The following EFL1 variants were observed in gnomAD, a reference collection of about 807,000 sequenced individuals.
EFL1 encodes the protein elongation factor like GTPase 1.
EFL1 carries 76 observed loss-of-function variants against 126.7 expected under a neutral mutation model. The ratio of observed to expected loss-of-function variants is 0.60; its 90% confidence interval spans 0.50 to 0.73. The LOEUF (loss-of-function observed/expected upper bound fraction) is 0.73. Ranked by LOEUF, EFL1 falls within the 30% of genes least tolerant of loss-of-function variation. The pLI, the probability that EFL1 is intolerant of heterozygous loss-of-function variation, is 0.00. For missense variants in EFL1, 1,128 were observed against 1,343.2 expected (o/e 0.84, Z 2.50); for synonymous variants, 410 against 448.4 (o/e 0.91, Z 1.08).
chr15:82,179,099 G>A (rs770623434), intron 15 of EFL1, among the ~76,000 whole-genome samples: 10 of 152,082 alleles, frequency 6.6e-5, no homozygotes, highest in Admixed American at 1.3e-4. Flanking sequence ...AACTATGATC[G>A]TGCCACCGCA....
At chr15:82,245,900 T>G (rs930588733) in intron 4 of EFL1, among the ~76,000 whole-genome samples, 1 of 149,480 alleles carries the variant, frequency 6.7e-6, no homozygotes, top group African/African-American at 2.5e-5. Flanking sequence ...ACCACTGCAC[T>G]CCAGCCTGGG....
At chr15:82,254,354 TTG>T (rs2075049040) in intron 3 of EFL1, among the ~76,000 whole-genome samples, 1 of 152,186 alleles carries the variant, frequency 6.6e-6, no homozygotes, top group African/African-American at 2.4e-5. Flanking sequence ...TCTCAGTCCC[TTG>T]TCAGTTTTCT....
intron 15 of EFL1, among the ~76,000 whole-genome samples, chr15:82,208,287 A>T (rs1207024224): frequency 6.6e-6 from 1 of 152,202 alleles, no homozygotes; most frequent in South Asian, 2.1e-4. Context: ...TTTGAAGAAA[A>T]GGTAATTCTT....
At chr15:82,193,914 A>T (rs1299558849) in intron 15 of EFL1, among the ~76,000 whole-genome samples, 1 of 152,162 alleles carries the variant, frequency 6.6e-6, no homozygotes, top group Admixed American at 6.5e-5. Context: ...CACTCTCCTC[A>T]TTCTGGAAAA....
chr15:82,252,883 T>A lies in EFL1; in HGVS notation c.160-108A>T, dbSNP rs2075035763. The A allele has an allele frequency of 5.2e-6, 4 of 763,376 alleles. No homozygotes were observed. In the Admixed American group the frequency reaches 7.8e-5, roughly 15 times the overall value. The allele number at this position is 763,376 out of a possible 1,614,324, so 47.3% of individuals were successfully genotyped here. Reference sequence around the variant, plus strand: ...TAAATACTTATATTTAATTTGTTATTTTTATTTATTTTTGTAGAGACAGGG... The same window carrying A: ...TAAATACTTATATTTAATTTGTTATATTTATTTATTTTTGTAGAGACAGGG... On this transcript the variant is annotated intron_variant, in intron 3 of 19. Transcript: ENST00000268206.
chr15:82,153,233 T>C (rs2141230248), intron 17 of EFL1, among the ~76,000 whole-genome samples: 1 of 152,284 alleles, frequency 6.6e-6, no homozygotes, highest in South Asian at 2.1e-4. Context: ...TCCCACATAA[T>C]ATCAAATTTG....
intron 3 of EFL1, among the ~76,000 whole-genome samples, chr15:82,253,044 CT>C (rs112441286): frequency 3.0e-3 from 422 of 142,086 alleles, no homozygotes; most frequent in Non-Finnish European, 3.7e-3. Flanking sequence ...TATATAGAGC[CT>C]TTTTTTTTTT....
At chr15:82,132,971 G>A (rs2073674968) in intron 19 of EFL1, among the ~76,000 whole-genome samples, 1 of 152,194 alleles carries the variant, frequency 6.6e-6, no homozygotes, top group East Asian at 1.9e-4. Flanking sequence ...GTCAGTATGG[G>A]CTCAGGGCCT....
intron 19 of EFL1, among the ~76,000 whole-genome samples, chr15:82,131,807 A>G (rs897754187): frequency 1.3e-5 from 2 of 152,158 alleles, no homozygotes; most frequent in Non-Finnish European, 2.9e-5. Context: ...GAAAAAAAAA[A>G]GTTCAATTTT....
At chr15:82,169,184 G>C (rs1019765179) in intron 15 of EFL1, among the ~76,000 whole-genome samples, 1 of 152,170 alleles carries the variant, frequency 6.6e-6, no homozygotes, top group Admixed American at 6.5e-5. Context: ...TGGAAACAGA[G>C]TAGAATGCCT....
chr15:82,200,129 C>CG (rs1335648348), intron 15 of EFL1, among the ~76,000 whole-genome samples: 1 of 152,034 alleles, frequency 6.6e-6, no homozygotes. Flanking sequence ...ACCTATGCAT[C>CG]GGGAAAAAAA....
At chr15:82,201,354 C>T (rs2074466081) in intron 15 of EFL1, among the ~76,000 whole-genome samples, 1 of 152,146 alleles carries the variant, frequency 6.6e-6, no homozygotes, top group African/African-American at 2.4e-5. Context: ...TGCTCATCTA[C>T]AAAGGAGAGG....
chr15:82,238,201 C>G, intron 7 of EFL1, 106 bp downstream of exon 7: 1 of 1,244,940 alleles, frequency 8.0e-7, no homozygotes, highest in Non-Finnish European at 1.1e-6. Context: ...TTATCTCTTA[C>G]AACTATAGGT....
chr15:82,177,661 T>TTGGGAAA (rs1270592132), intron 15 of EFL1, among the ~76,000 whole-genome samples: 1 of 152,214 alleles, frequency 6.6e-6, no homozygotes, highest in Non-Finnish European at 1.5e-5. Context: ...GCTTCATTTT[T>TTGGGAAA]TGGGAAAGCA....
intron 3 of EFL1, 112 bp from the exon 4 acceptor site, chr15:82,252,887 A>G: frequency 1.3e-6 from 1 of 768,056 alleles, no homozygotes; most frequent in South Asian, 2.0e-5. Context: ...TGTTATTTTT[A>G]TTTATTTTTG....
intron 12 of EFL1, among the ~76,000 whole-genome samples, chr15:82,222,436 C>T (rs1171986577): frequency 1.3e-5 from 2 of 152,178 alleles, no homozygotes; most frequent in Admixed American, 1.3e-4. Flanking sequence ...AATGTGATTT[C>T]ACTTTAGTTT....
At chr15:82,222,332 TC>T (rs1198047006) in intron 12 of EFL1, among the ~76,000 whole-genome samples, 1 of 152,232 alleles carries the variant, frequency 6.6e-6, no homozygotes, top group East Asian at 1.9e-4. Flanking sequence ...ATAATTCAAA[TC>T]CAGATCTGTA....
chr15:82,152,603 G>A (rs1381612623), intron 17 of EFL1, among the ~76,000 whole-genome samples, 180 bp from the exon 18 acceptor site: 1 of 150,596 alleles, frequency 6.6e-6, no homozygotes, highest in Non-Finnish European at 1.5e-5. Context: ...CTTTCTGATT[G>A]AAAAGACTAC....
chr15:82,218,771 C>T (rs1246734993), intron 14 of EFL1, among the ~76,000 whole-genome samples: 7 of 152,204 alleles, frequency 4.6e-5, no homozygotes, highest in African/African-American at 1.2e-4. Flanking sequence ...TTCACTGCCA[C>T]GCAGCTCTGC....
Sources: allele counts gnomAD v4.1 joint callset (sites outside exome capture counted in the v4.1 genomes callset), GRCh38; gene constraint gnomAD v4.1.1; transcripts MANE v1.5; gene names NCBI Gene and HGNC (gene_info 2026-07-23, HGNC 2026-07-21).